The following ZFHX3 variants were observed in gnomAD, a reference collection of about 807,000 sequenced individuals.
The protein encoded by ZFHX3 is zinc finger homeobox protein 3.
A neutral mutation model predicts 279.1 loss-of-function variants in ZFHX3; 42 were observed. That is an observed-to-expected ratio of 0.15 (90% CI 0.12 to 0.19). The LOEUF (loss-of-function observed/expected upper bound fraction) is 0.19, where lower values mean the gene tolerates loss of function less well. Among genes scored for constraint, ZFHX3 ranks in the 10% least tolerant of loss-of-function variants. The pLI, the probability that ZFHX3 is intolerant of heterozygous loss-of-function variation, is 1.00. For missense variants in ZFHX3, 4,981 were observed against 4,754.0 expected (o/e 1.05, Z -1.40); for synonymous variants, 2,293 against 1,957.8 (o/e 1.17, Z -4.52).
intron 1 of ZFHX3, among the ~76,000 whole-genome samples, chr16:73,758,830 T>C (rs182392678): frequency 8.5e-5 from 13 of 152,336 alleles, no homozygotes; most frequent in African/African-American, 2.9e-4. Flanking sequence ...TTGAGTTCTA[T>C]AGGAATGCAG....
At chr16:73,277,203 T>A (rs908373789) in intron 4 of ZFHX3, among the ~76,000 whole-genome samples, 1 of 152,210 alleles carries the variant, frequency 6.6e-6, no homozygotes, top group African/African-American at 2.4e-5. Context: ...ATCTCAGCAT[T>A]TTAATCATGA....
At chr16:73,824,229 A>G (rs1374045032) in intron 1 of ZFHX3, among the ~76,000 whole-genome samples, 1 of 152,202 alleles carries the variant, frequency 6.6e-6, no homozygotes, top group Admixed American at 6.5e-5. Context: ...ATTTGATCAC[A>G]GACTCCTTCT....
At chr16:73,863,676 G>A (rs1961939438) in intron 1 of ZFHX3, among the ~76,000 whole-genome samples, 1 of 152,148 alleles carries the variant, frequency 6.6e-6, no homozygotes, top group Admixed American at 6.5e-5. Flanking sequence ...ATGGTCATGT[G>A]TGCATATACC....
At position 73,874,579 on chromosome 16, in the gene ZFHX3, T is replaced by G. The variant is rs8050013; in HGVS notation, c.-1608+17072A>C. Among the ~76,000 whole-genome samples, 263 of 152,368 alleles carry G rather than the reference T, an allele frequency of 1.7e-3. 2 individuals carry two copies. Among genetic ancestry groups the G allele is most frequent in the African/African-American group, 5.8e-3 (243 of 41,590 alleles). On this transcript the variant is annotated intron_variant, in intron 1 of 17. Transcript: ENST00000641206. ...TTGTAAAACAGTTCAATCCTGTGTTTGTTTATTCATTATGCCTCTCTATCA... is the reference window on the plus strand; with the variant it reads ...TTGTAAAACAGTTCAATCCTGTGTTGGTTTATTCATTATGCCTCTCTATCA...
chr16:73,429,816 C>G (rs1048715649), intron 3 of ZFHX3, among the ~76,000 whole-genome samples: 1 of 152,162 alleles, frequency 6.6e-6, no homozygotes, highest in African/African-American at 2.4e-5. Flanking sequence ...GGAAAACCAT[C>G]CTCGCTCCCC....
chr16:73,069,803 G>A (rs1965800582), intron 8 of ZFHX3, among the ~76,000 whole-genome samples: 1 of 152,134 alleles, frequency 6.6e-6, no homozygotes, highest in Non-Finnish European at 1.5e-5. Flanking sequence ...TTTCCACCCG[G>A]TCAGAAAATA....
At chr16:73,120,441 ATTTTTATT>A (rs940549649) in intron 7 of ZFHX3, among the ~76,000 whole-genome samples, 32 of 151,392 alleles carry the variant, frequency 2.1e-4, no homozygotes, top group African/African-American at 7.0e-4. Flanking sequence ...AATTTTTCAT[ATTTTTATT>A]TTTTTGTAGA....
At chr16:73,183,970 C>A (rs73595292) in intron 5 of ZFHX3, among the ~76,000 whole-genome samples, 1,838 of 152,198 alleles carry the variant, frequency 0.012, 36 homozygotes, top group African/African-American at 0.042. Flanking sequence ...CAATTTAGAA[C>A]TTTTGCCAGC....
chr16:73,595,483 C>G (rs959045727), intron 2 of ZFHX3, among the ~76,000 whole-genome samples: 1 of 152,150 alleles, frequency 6.6e-6, no homozygotes, highest in Non-Finnish European at 1.5e-5. Flanking sequence ...TACCTTACTT[C>G]TTTGGCCACA....
At chr16:73,134,258 A>C (rs1966747180) in intron 6 of ZFHX3, among the ~76,000 whole-genome samples, 1 of 150,946 alleles carries the variant, frequency 6.6e-6, no homozygotes, top group Admixed American at 6.6e-5. Flanking sequence ...GCAGGATCGG[A>C]ACAGACTTTG....
At chr16:73,663,557 T>G (rs1412524570) in intron 2 of ZFHX3, among the ~76,000 whole-genome samples, 1 of 152,166 alleles carries the variant, frequency 6.6e-6, no homozygotes, top group African/African-American at 2.4e-5. Context: ...AAAATAGAAG[T>G]CCTACTGGCT....
chr16:73,150,003 T>G (rs1966901450), intron 5 of ZFHX3, among the ~76,000 whole-genome samples: 1 of 152,172 alleles, frequency 6.6e-6, no homozygotes, highest in Admixed American at 6.6e-5. Flanking sequence ...AGTTTTCATT[T>G]TCTACAGTTT....
rs1158343753 is a variant in ZFHX3 at position 72,784,321 on chromosome 16, A to C, written c.*2843T>G. On this transcript the variant is annotated 3_prime_UTR_variant, in exon 10 of 10. Coordinates refer to ENST00000268489, the MANE Select transcript of ZFHX3 (RefSeq NM_006885.4). ...GAGGGGGCAGCAAAATTATAAAGAA[A>C]AGAACTTAAAAGTTGAGGGGGGAGG... is the stretch of plus-strand genomic sequence containing the variant. 1 of 152,232 alleles carries C rather than the reference A, an allele frequency of 6.6e-6. No homozygotes were observed. Among genetic ancestry groups the C allele is most frequent in the Non-Finnish European group, 1.5e-5 (1 of 67,972 alleles). 9.4% of individuals were successfully genotyped at this position (152,232 alleles called of 1,614,324 possible).
At chr16:73,590,037 T>C (rs1000591872) in intron 2 of ZFHX3, among the ~76,000 whole-genome samples, 4 of 152,170 alleles carry the variant, frequency 2.6e-5, no homozygotes, top group South Asian at 2.1e-4. Flanking sequence ...AGTGTTGTTA[T>C]GCTGAGACTT....
Position 72,793,886 on chromosome 16 carries a change from T to G in ZFHX3, c.8796A>C (p.Gly2932=), listed in dbSNP as rs1417558599. ...DPCSPSPGAS[G]SAGKSGDSGD... Reference sequence around the variant, plus strand: ...CGCTGTCACCAGATTTGCCTGCAGATCCACTCGCACCAGGACTCGGGGAGC... The same window carrying G: ...CGCTGTCACCAGATTTGCCTGCAGAGCCACTCGCACCAGGACTCGGGGAGC... Residue 2932 remains glycine, a synonymous_variant, in exon 9 of 10, where the codon GGA becomes GGC. Coordinates refer to ENST00000268489, the MANE Select transcript of ZFHX3 (RefSeq NM_006885.4). This position sits in a 1 kb window ranked among gnomAD's most constrained non-coding sequence, Gnocchi z 4.3. 4 of 1,614,198 alleles carry G rather than the reference T, an allele frequency of 2.5e-6. No homozygotes were observed. The highest frequency in any genetic ancestry group is 1.1e-5 in the South Asian group (1 of 91,078).
chr16:73,205,841 A>G (rs901938616), intron 5 of ZFHX3, among the ~76,000 whole-genome samples: 3 of 152,226 alleles, frequency 2.0e-5, no homozygotes, highest in African/African-American at 7.2e-5. Context: ...CAAGAATGGA[A>G]AGCTGGCTTC....
At chr16:73,645,252 A>G (rs1388101252) in intron 2 of ZFHX3, among the ~76,000 whole-genome samples, 1 of 152,052 alleles carries the variant, frequency 6.6e-6, no homozygotes, top group Non-Finnish European at 1.5e-5. Context: ...TTTTTAAATC[A>G]TTATTATTTT....
chr16:73,781,064 G>T (rs926582452), intron 1 of ZFHX3, among the ~76,000 whole-genome samples: 17 of 152,112 alleles, frequency 1.1e-4, no homozygotes, highest in African/African-American at 3.6e-4. Context: ...AAAGAGAAAG[G>T]GACCATTTGC....
chr16:73,488,656 A>T (rs565306159), intron 2 of ZFHX3, among the ~76,000 whole-genome samples: 1 of 152,218 alleles, frequency 6.6e-6, no homozygotes, highest in Non-Finnish European at 1.5e-5. Context: ...TGTCTGACTT[A>T]GGAAGCCATA....
Sources: gnomAD v4.1 joint callset for allele counts (sites outside exome capture counted in the v4.1 genomes callset) on GRCh38, gnomAD v4.1.1 for gene constraint, Gnocchi (gnomAD v3.1) non-coding constraint, MANE v1.5 for transcripts, NCBI Gene and HGNC (gene_info 2026-07-23, HGNC 2026-07-21) for gene names.